The following RAP2A variants were observed in gnomAD, a reference collection of about 807,000 sequenced individuals.
RAP2A encodes the protein RAP2A, member of RAS oncogene family.
RAP2A carries 5 observed loss-of-function variants against 15.1 expected under a neutral mutation model. That is an observed-to-expected ratio of 0.33 (90% CI 0.17 to 0.70). The LOEUF (loss-of-function observed/expected upper bound fraction) is 0.70, where lower values mean the gene tolerates loss of function less well. RAP2A is among the 30% of genes least tolerant of loss of function. The pLI, the probability that RAP2A is intolerant of heterozygous loss-of-function variation, is 0.68. For synonymous variants in RAP2A, 110 were observed against 99.7 expected (o/e 1.10, Z -0.62); for missense variants, 111 against 240.3 (o/e 0.46, Z 3.56).
At chr13:97,462,402 G>C (rs1435934981) in intron 1 of RAP2A, among the ~76,000 whole-genome samples, 1 of 152,100 alleles carries the variant, frequency 6.6e-6, no homozygotes, top group Admixed American at 6.6e-5. Flanking sequence ...CCAATCAAGA[G>C]AGTTTATATG....
At chr13:97,448,539 G>A (rs1160949165) in intron 1 of RAP2A, among the ~76,000 whole-genome samples, 1 of 152,070 alleles carries the variant, frequency 6.6e-6, no homozygotes, top group African/African-American at 2.4e-5. Context: ...ATTAATGTTT[G>A]TTTCACAAAT....
At chr13:97,449,645 C>T (rs982578389) in intron 1 of RAP2A, among the ~76,000 whole-genome samples, 2 of 152,184 alleles carry the variant, frequency 1.3e-5, no homozygotes, top group African/African-American at 2.4e-5. Context: ...ACTCTTCATT[C>T]TCCATTGGCT....
chr13:97,451,120 C>G (rs1470850749), intron 1 of RAP2A, among the ~76,000 whole-genome samples: 1 of 152,148 alleles, frequency 6.6e-6, no homozygotes, highest in Non-Finnish European at 1.5e-5. Context: ...TCAGCTTAAT[C>G]ATGTGCCTTC....
Position 97,434,559 on chromosome 13 carries a change from A to C in RAP2A, c.89A>C (p.Glu30Ala). ...TVQFVTGTFI[E>A]KYDPTIEDFY... is the part of the protein sequence containing the mutation. The stretch of plus-strand genomic sequence containing the variant: ...CAGTTCGTGACCGGCACCTTCATCG[A>C]GAAATACGACCCCACCATCGAGGAC... The change falls in exon 1 of 2, where the codon GAG (glutamate) becomes GCG (alanine). Residue 30 changes from glutamate (E) to alanine (A), a missense_variant. Glu to Ala is a moderately radical substitution (Grantham distance 107, BLOSUM62 -1). Transcript: ENST00000245304. The C allele has an allele frequency of 6.2e-7, 1 of 1,614,068 alleles. No homozygotes were observed. Among genetic ancestry groups the C allele is most frequent in the Non-Finnish European group, 8.5e-7 (1 of 1,179,984 alleles).
intron 1 of RAP2A, among the ~76,000 whole-genome samples, chr13:97,461,224 A>T (rs1272918020): frequency 6.6e-6 from 1 of 152,220 alleles, no homozygotes; most frequent in African/African-American, 2.4e-5. Flanking sequence ...ATCTGGGTGT[A>T]GAATCTTTTC....
intron 1 of RAP2A, among the ~76,000 whole-genome samples, chr13:97,435,694 C>T (rs1424061094): frequency 2.0e-5 from 3 of 151,760 alleles, no homozygotes; most frequent in Non-Finnish European, 4.4e-5. Flanking sequence ...TATATTTTTC[C>T]GTGTAATTTT....
chr13:97,447,699 CA>C (rs1594324193), intron 1 of RAP2A, among the ~76,000 whole-genome samples: 4 of 152,126 alleles, frequency 2.6e-5, no homozygotes, highest in Admixed American at 2.6e-4. Context: ...GACATGTTTG[CA>C]TTGATTTTGT....
Position 97,464,465 on chromosome 13 carries a change from ATGGGATTTGCCCAATGTC to A in RAP2A, c.*24_*41del. 1 of 1,608,544 alleles carries A rather than the reference ATGGGATTTGCCCAATGTC, an allele frequency of 6.2e-7. No individual in the cohort carries two copies. Among genetic ancestry groups the A allele is most frequent in the Non-Finnish European group, 8.5e-7 (1 of 1,174,968 alleles). On this transcript the variant is annotated 3_prime_UTR_variant, in exon 2 of 2. Transcript: ENST00000245304. ...TAGCATCCAAATATGGCTGTCCTGG[ATGGGATTTGCCCAATGTC>A]GTAGGTGATAGAAAACTCGCCTACT...
intron 1 of RAP2A, among the ~76,000 whole-genome samples, chr13:97,458,527 T>G (rs981910644): frequency 1.3e-5 from 2 of 152,174 alleles, no homozygotes; most frequent in Non-Finnish European, 2.9e-5. Flanking sequence ...GGCCAGTGAT[T>G]CCTAAACCCT....
intron 1 of RAP2A, among the ~76,000 whole-genome samples, chr13:97,438,384 C>T (rs955017474): frequency 2.6e-5 from 4 of 152,182 alleles, no homozygotes; most frequent in African/African-American, 9.7e-5. Context: ...AAGTACCTTT[C>T]TCTGGGCTCT....
chr13:97,452,669 CA>C (rs983984579), intron 1 of RAP2A, among the ~76,000 whole-genome samples: 33 of 150,280 alleles, frequency 2.2e-4, no homozygotes, highest in Non-Finnish European at 4.3e-4. Flanking sequence ...CACACACACA[CA>C]ACCAACGGAA....
chr13:97,459,632 C>T (rs2066738231), intron 1 of RAP2A, among the ~76,000 whole-genome samples: 1 of 152,210 alleles, frequency 6.6e-6, no homozygotes, highest in South Asian at 2.1e-4. Flanking sequence ...TCCCCTAGAA[C>T]CTGCACGGTA....
chr13:97,445,349 G>A (rs989073906), intron 1 of RAP2A, among the ~76,000 whole-genome samples: 3 of 152,126 alleles, frequency 2.0e-5, no homozygotes, highest in Admixed American at 6.5e-5. Flanking sequence ...GTAAAGTGAA[G>A]CACTGAAATC....
intron 1 of RAP2A, among the ~76,000 whole-genome samples, chr13:97,455,185 TAC>T (rs1354092252): frequency 6.6e-6 from 1 of 151,578 alleles, no homozygotes; most frequent in East Asian, 1.9e-4. Flanking sequence ...TTTTGTCATG[TAC>T]AGTCTTCTCA....
chr13:97,443,272 T>G (rs1490310714), intron 1 of RAP2A, among the ~76,000 whole-genome samples: 1 of 152,244 alleles, frequency 6.6e-6, no homozygotes, highest in Admixed American at 6.5e-5. Context: ...AGTGTTCTCA[T>G]GCTTTCCTGA....
At chr13:97,436,914 C>A (rs964631191) in intron 1 of RAP2A, among the ~76,000 whole-genome samples, 2 of 152,170 alleles carry the variant, frequency 1.3e-5, no homozygotes, top group African/African-American at 4.8e-5. Flanking sequence ...GTATTTTACA[C>A]CTCATCCTAA....
intron 1 of RAP2A, among the ~76,000 whole-genome samples, chr13:97,438,885 T>A (rs546409613): frequency 1.8e-4 from 28 of 152,306 alleles, no homozygotes; most frequent in Non-Finnish European, 3.5e-4. Context: ...GAAAAGTATT[T>A]GTATTGTTGT....
At chr13:97,457,259 T>C (rs958933896) in intron 1 of RAP2A, among the ~76,000 whole-genome samples, 4 of 151,464 alleles carry the variant, frequency 2.6e-5, no homozygotes, top group Non-Finnish European at 4.4e-5. Context: ...TATATATATA[T>C]ACATATATAT....
At chr13:97,444,063 T>C (rs539731913) in intron 1 of RAP2A, among the ~76,000 whole-genome samples, 2 of 152,348 alleles carry the variant, frequency 1.3e-5, no homozygotes, top group South Asian at 2.1e-4. Context: ...GGAATTAGGC[T>C]CAATTGTCTT....
Sources: allele counts gnomAD v4.1 joint callset (sites outside exome capture counted in the v4.1 genomes callset), GRCh38; gene constraint gnomAD v4.1.1; transcripts MANE v1.5; gene names NCBI Gene and HGNC (gene_info 2026-07-23, HGNC 2026-07-21).